GPR17: variants seen among roughly 807,000 people sequenced by gnomAD.
GPR17 encodes the protein uracil nucleotide/cysteinyl leukotriene receptor.
GPR17 carries 4 observed loss-of-function variants against 1.5 expected under a neutral mutation model. The ratio of observed to expected loss-of-function variants is 2.73; its 90% CI spans 1.35 to 6.25. GPR17 has a LOEUF of 6.25. GPR17 is among the 30% of genes most tolerant of loss of function. The pLI is 0.00. For missense variants in GPR17, 463 were observed against 462.1 expected, an observed-to-expected ratio of 1.00 and a Z score of -0.02; for synonymous variants, 209 against 207.6, an observed-to-expected ratio of 1.01 and a Z score of -0.06.
intron 1 of GPR17, chr2:127,650,310 C>A: frequency 1.8e-6 from 1 of 568,314 alleles, no homozygotes; most frequent in South Asian, 2.1e-5. Context: ...AGACACACTG[C>A]CCCCGCCCCT....
intron 1 of GPR17, chr2:127,650,423 C>T: frequency 5.6e-6 from 3 of 540,452 alleles, no homozygotes; most frequent in Non-Finnish European, 9.8e-6. Context: ...TGGCACTGAC[C>T]CGGTCCTCCC....
chr2:127,649,795 G>A (rs1051576998), intron 1 of GPR17: 70 of 560,682 alleles, frequency 1.2e-4, no homozygotes, highest in Admixed American at 3.2e-5. Context: ...GCCTTCAAAC[G>A]TGGGCAAGCC....
chr2:127,651,633 G>A lies in GPR17; in HGVS notation c.898G>A (p.Val300Met), dbSNP rs201125162. Residue 300 changes from valine (V) to methionine (M), a missense_variant, in exon 2 of 2, where the codon GTG becomes ATG. Transcript: ENST00000486700. ...GALDPIMYFFVAEKFRHALCN... is the reference protein window; with the variant it reads ...GALDPIMYFFMAEKFRHALCN... ...ACTCGACCCCATCATGTATTTCTTC[G>A]TGGCTGAGAAGTTCCGCCACGCCCT... 83 of 1,613,396 alleles carry A rather than the reference G, an allele frequency of 5.1e-5. No homozygotes were observed. Among genetic ancestry groups the A allele is most frequent in the Middle Eastern group, 1.6e-4 (1 of 6,084 alleles).
chr2:127,651,433 C>T lies in GPR17; in HGVS notation c.698C>T (p.Ala233Val). The T allele has an allele frequency of 6.2e-7, 1 of 1,612,926 alleles. No homozygotes were observed. The highest frequency in any genetic ancestry group is 8.5e-7 in the Non-Finnish European group (1 of 1,180,046). ...GTGGAGAAGCGCCTCAAGACCAAGG[C>T]AGTGCGCATGATCGCCATAGTGCTG... is the stretch of plus-strand genomic sequence containing the variant. ...LRVEKRLKTK[A>V]VRMIAIVLAI... Residue 233 changes from alanine to valine, a missense_variant, in exon 2 of 2, where the codon GCA becomes GTA. Transcript: ENST00000486700.
At chr2:127,649,780 A>G (rs1041013137) in intron 1 of GPR17, among the ~76,000 whole-genome samples, 1 of 152,230 alleles carries the variant, frequency 6.6e-6, no homozygotes, top group African/African-American at 2.4e-5. Context: ...AGGGCTCTGC[A>G]CTTGGCCTTC....
At position 127,647,550 on chromosome 2, in the gene GPR17, G is replaced by A. The variant is rs1683126762; in HGVS notation, c.-21+1306G>A. On this transcript the variant is annotated intron_variant, in intron 1 of 1. Coordinates refer to ENST00000486700, the MANE Select transcript of GPR17 (RefSeq NM_001161417.2). The surrounding 1 kb of genome is among the most constrained non-coding windows in gnomAD (Gnocchi z 4.3). ...CGTGGGGCCAGGTGATGCCTGCACTGTGGGGCACAGCACAGGCCTGAGGGA... is the reference window on the plus strand; with the variant it reads ...CGTGGGGCCAGGTGATGCCTGCACTATGGGGCACAGCACAGGCCTGAGGGA... Among the ~76,000 whole-genome samples the A allele has an allele frequency of 6.6e-6, 1 of 152,114 alleles. No homozygotes were observed. Among genetic ancestry groups the A allele is most frequent in the African/African-American group, 2.4e-5 (1 of 41,424 alleles).
chr2:127,649,167 G>GGAAGGAAGGAAGGAAA (rs879387996), intron 1 of GPR17, among the ~76,000 whole-genome samples: 3,481 of 86,684 alleles, frequency 0.04, 92 homozygotes, highest in African/African-American at 0.11. Flanking sequence ...GAGGAAGGTA[G>GGAAGGAAGGAAGGAAA]GAAGGAAGGA....
At chr2:127,650,109 G>C (rs557021396) in intron 1 of GPR17, 2 of 1,573,356 alleles carry the variant, frequency 1.3e-6, no homozygotes, top group Admixed American at 3.5e-5. Flanking sequence ...GACGTCCCAG[G>C]GTACAGCCCT....
In GPR17 at chr2:127,651,552, C is replaced by T. The variant is rs774720883; in HGVS notation, c.817C>T (p.Arg273Cys). The change falls in exon 2 of 2, where the codon CGC becomes TGC. Residue 273 changes from arginine to cysteine, a missense_variant. Arg to Cys is a radical substitution (Grantham distance 180). Coordinates refer to ENST00000486700, the MANE Select transcript of GPR17 (RefSeq NM_001161417.2). ...CCATGGGGCCTCCTGCGCCACCCAG[C>T]GCATCCTGGCCCTGGCAAACCGCAT... ...RSHGASCATQRILALANRITS... is the reference protein window; with the variant it reads ...RSHGASCATQCILALANRITS... 9.6e-5 allele frequency: 155 copies of T among 1,612,410 alleles called. No individual in the cohort carries two copies. The highest frequency in any genetic ancestry group is 3.3e-4 in the Middle Eastern group (2 of 6,084).
At position 127,647,684 on chromosome 2, in the gene GPR17, C is replaced by T. The variant is rs949648666; in HGVS notation, c.-21+1440C>T. Among the ~76,000 whole-genome samples the T allele has an allele frequency of 1.3e-5, 2 of 152,066 alleles. No homozygotes were observed. The highest frequency in any genetic ancestry group is 2.9e-5 in the Non-Finnish European group (2 of 68,000). On this transcript the variant is annotated intron_variant, in intron 1 of 1. Coordinates refer to ENST00000486700, the MANE Select transcript of GPR17 (RefSeq NM_001161417.2). This position sits in a 1 kb window ranked among gnomAD's most constrained non-coding sequence, Gnocchi z 4.3. ...CCTCTTCCAGTCTCCAGGGCCTCCC[C>T]GCACACACCTTCCTCCTCTCCTGCC... is the stretch of plus-strand genomic sequence containing the variant.
At chr2:127,650,055 G>C (rs1210914746) in intron 1 of GPR17, 1 of 1,607,458 alleles carries the variant, frequency 6.2e-7, no homozygotes, top group Non-Finnish European at 8.5e-7. Flanking sequence ...AAGCCCCCAA[G>C]AGAGATGCTG....
chr2:127,647,250 G>T lies in GPR17; in HGVS notation c.-21+1006G>T, dbSNP rs1441519967. Reference sequence around the variant, plus strand: ...TGAGGGAGTGGCCCCAGGGCCAGGAGGGGGTGCTGAGCCTGGGAGACAACT... The same window carrying T: ...TGAGGGAGTGGCCCCAGGGCCAGGATGGGGTGCTGAGCCTGGGAGACAACT... On this transcript the variant is annotated intron_variant, in intron 1 of 1. Transcript: ENST00000486700. This position sits in a 1 kb window ranked among gnomAD's most constrained non-coding sequence, Gnocchi z 4.3. Among the ~76,000 whole-genome samples the T allele has an allele frequency of 6.6e-6, 1 of 152,148 alleles. No homozygotes were observed. The highest frequency in any genetic ancestry group is 2.4e-5 in the African/African-American group (1 of 41,432).
intron 1 of GPR17, chr2:127,648,304 G>T: frequency 1.9e-6 from 1 of 521,870 alleles, no homozygotes; most frequent in Non-Finnish European, 2.5e-6. Context: ...AACCTGCCTA[G>T]AGAAATAGCT....
rs560171965 is a variant in GPR17, at chr2:127,650,972, G to C, written c.237G>C (p.Ser79=). 10 of 1,613,782 alleles carry C rather than the reference G, an allele frequency of 6.2e-6. No individual in the cohort carries two copies. The East Asian group carries it at 2.0e-4, about 32-fold the overall frequency. Residue 79 remains serine, a synonymous_variant, in exon 2 of 2, where the codon TCG becomes TCC. Transcript: ENST00000486700. ...TGCATCTGGCCGTGGCCGACTTGTC[G>C]TGCGTGCTGGTCCTGCCCACCCGCC... ...FLMHLAVADL[S]CVLVLPTRLV...
rs1303894413 is a variant in GPR17, at chr2:127,651,026, G to C, written c.291G>C (p.Trp97Cys). ...TCTACCACTTCTCTGGGAACCACTG[G>C]CCATTTGGGGAAATCGCATGCCGTC... ...RLVYHFSGNH[W>C]PFGEIACRLT... The change falls in exon 2 of 2, where the codon TGG becomes TGC. Residue 97 changes from tryptophan (W) to cysteine (C), a missense_variant. Coordinates refer to ENST00000486700, the MANE Select transcript of GPR17 (RefSeq NM_001161417.2). 3 of 1,613,796 alleles carry C rather than the reference G, an allele frequency of 1.9e-6. No homozygotes were observed.
chr2:127,650,786 G>T lies in GPR17; in HGVS notation c.51G>T (p.Leu17=). 1.2e-6 allele frequency: 2 copies of T among 1,613,766 alleles called. No individual in the cohort carries two copies. Among genetic ancestry groups the T allele is most frequent in the Non-Finnish European group, 1.7e-6 (2 of 1,179,758 alleles). ...APPGLITNFS[L]ATAEQCGQET... ...CAGGTCTGATCACCAACTTCTCCCT[G>T]GCCACGGCAGAGCAATGTGGCCAGG... Residue 17 remains leucine, a synonymous_variant, in exon 2 of 2, where the codon CTG becomes CTT. Coordinates refer to ENST00000486700, the MANE Select transcript of GPR17 (RefSeq NM_001161417.2).
In GPR17 at chr2:127,649,959, CCTGATACCCAGGCA is replaced by C. The variant is rs1260806937; in HGVS notation, c.-20-755_-20-742del. The C allele has an allele frequency of 4.1e-6, 6 of 1,478,258 alleles. No individual in the cohort carries two copies. In the African/African-American group the frequency reaches 7.0e-5, roughly 17 times the overall value. 91.6% of individuals were successfully genotyped at this position (1,478,258 alleles called of 1,614,324 possible). ...TGGGAGAGAAAATACTCCCAGCTGG[CCTGATACCCAGGCA>C]CAGGCTTCTCCTAAACACAGGTCTC... On this transcript the variant is annotated intron_variant, in intron 1 of 1. Transcript: ENST00000486700.
intron 1 of GPR17, among the ~76,000 whole-genome samples, chr2:127,648,747 C>T (rs1683266660): frequency 6.6e-6 from 1 of 151,826 alleles, no homozygotes; most frequent in South Asian, 2.1e-4. Context: ...CATGGCAAAA[C>T]CGTCTCTACC....
In GPR17 at chr2:127,651,055, C is replaced by T. The variant is rs1477070232; in HGVS notation, c.320C>T (p.Thr107Ile). The T allele has an allele frequency of 2.5e-6, 4 of 1,613,746 alleles. No individual in the cohort carries two copies. The highest frequency in any genetic ancestry group is 1.1e-5 in the South Asian group (1 of 91,088). Residue 107 changes from threonine (T) to isoleucine (I), a missense_variant, in exon 2 of 2, where the codon ACC (threonine) becomes ATC (isoleucine). By Grantham distance (89) the Thr-to-Ile change is moderately conservative. Coordinates refer to ENST00000486700, the MANE Select transcript of GPR17 (RefSeq NM_001161417.2). ...WPFGEIACRL[T>I]GFLFYLNMYA... ...TTTGGGGAAATCGCATGCCGTCTCA[C>T]CGGCTTCCTCTTCTACCTCAACATG...
Sources: allele counts gnomAD v4.1 joint callset (sites outside exome capture counted in the v4.1 genomes callset), GRCh38; gene constraint gnomAD v4.1.1; non-coding constraint Gnocchi (gnomAD v3.1); transcripts MANE v1.5; gene names NCBI Gene and HGNC (gene_info 2026-07-23, HGNC 2026-07-21).